TGFBR3: variants seen among roughly 807,000 people sequenced by gnomAD.
The protein encoded by TGFBR3 is transforming growth factor beta receptor type 3.
In TGFBR3, 46 loss-of-function variants were observed where a neutral mutation model predicts 87.9. The observed-to-expected ratio is 0.52, with a 90% confidence interval of 0.41 to 0.67. TGFBR3 has a LOEUF of 0.67. Among genes scored for constraint, TGFBR3 ranks in the 30% least tolerant of loss-of-function variants. The pLI, the probability that TGFBR3 is intolerant of heterozygous loss-of-function variation, is 0.00. For missense variants in TGFBR3, 866 were observed against 1,041.9 expected (o/e 0.83, Z 2.32); for synonymous variants, 381 against 391.6 (o/e 0.97, Z 0.32).
intron 14 of TGFBR3, among the ~76,000 whole-genome samples, chr1:91,706,531 C>T (rs1004818035): frequency 6.6e-6 from 1 of 152,146 alleles, no homozygotes; most frequent in African/African-American, 2.4e-5. Flanking sequence ...GGGGAGGAAC[C>T]CTAGTTCCGG....
rs570880386 is a variant in TGFBR3 at position 91,896,206 on chromosome 1, T to C, written c.-114+3431A>G. 1.6e-4 allele frequency among the ~76,000 whole-genome samples: 25 copies of C among 152,320 alleles called. No homozygotes were observed. The South Asian group carries it at 5.2e-3, about 32-fold the overall frequency. ...ATAAGCACCATGAAGGCAGGGGCCA[T>C]GGCTATCTTAATCAGCACTATATTC... On this transcript the variant is annotated intron_variant, in intron 2 of 17. Coordinates refer to the TGFBR3 transcript ENST00000370399.
rs182140621 is a variant in TGFBR3, at chr1:91,894,387, C to A, written c.-114+5250G>T. 1.3e-5 allele frequency among the ~76,000 whole-genome samples: 2 copies of A among 152,028 alleles called. 1 individual carries two copies. The stretch of plus-strand genomic sequence containing the variant: ...CTTGTCTTTAAAAATCTTACTTGAC[C>A]CCATCTATCCACCTTACCCCTATTT... On this transcript the variant is annotated intron_variant, in intron 2 of 17. Transcript: ENST00000370399.
chr1:91,806,280 T>C (rs1391823937), intron 2 of TGFBR3, among the ~76,000 whole-genome samples: 1 of 152,186 alleles, frequency 6.6e-6, no homozygotes, highest in Non-Finnish European at 1.5e-5. Flanking sequence ...TTATGTCCTT[T>C]AGCTGCAACA....
upstream of TGFBR3, chr1:91,886,177 C>T (rs781534204): frequency 4.4e-6 from 2 of 453,878 alleles, no homozygotes; most frequent in South Asian, 3.1e-5. Context: ...ACCCGGCGCA[C>T]TCGCCCTCCC....
chr1:91,817,347 A>G (rs896444732), intron 2 of TGFBR3, among the ~76,000 whole-genome samples: 5 of 152,248 alleles, frequency 3.3e-5, no homozygotes, highest in African/African-American at 4.8e-5. Flanking sequence ...TGTGTAATAT[A>G]TAAGATGTAA....
upstream of TGFBR3, among the ~76,000 whole-genome samples, chr1:91,888,708 A>T (rs533969871): frequency 1.3e-5 from 2 of 152,296 alleles, no homozygotes; most frequent in African/African-American, 4.8e-5. Context: ...TCAAAAAAAT[A>T]AAATTAAATT....
intron 2 of TGFBR3, among the ~76,000 whole-genome samples, chr1:91,806,634 G>A (rs972213376): frequency 6.6e-6 from 1 of 152,096 alleles, no homozygotes; most frequent in Non-Finnish European, 1.5e-5. Context: ...TATCACCCAG[G>A]GTTCTAATGA....
At chr1:91,840,290 C>G (rs1269085888) in intron 2 of TGFBR3, among the ~76,000 whole-genome samples, 2 of 151,300 alleles carry the variant, frequency 1.3e-5, no homozygotes, top group Non-Finnish European at 2.9e-5. Flanking sequence ...CCACTGCATT[C>G]CAGCCTGGGC....
At chr1:91,813,559 T>G (rs1444093686) in intron 2 of TGFBR3, among the ~76,000 whole-genome samples, 2 of 152,206 alleles carry the variant, frequency 1.3e-5, no homozygotes, top group African/African-American at 4.8e-5. Flanking sequence ...GAAGTTGTAT[T>G]CACCATTCCT....
Position 91,727,859 on chromosome 1 carries a change from A to C in TGFBR3, c.738-53T>G, listed in dbSNP as rs11466588. On this transcript the variant is annotated intron_variant, in intron 6 of 16. Coordinates refer to ENST00000212355, the MANE Select transcript of TGFBR3 (RefSeq NM_003243.5). ...AAGACCTACATGCCAGAAAGTTGCA[A>C]CTATCTCCCCTCTTCCAAGTCTTCA... The C allele has an allele frequency of 4.2e-4, 668 of 1,603,798 alleles. 2 individuals are homozygous for C. The African/African-American group carries it at 7.9e-3, about 19-fold the overall frequency.
chr1:91,759,881 T>C (rs1374894060), intron 3 of TGFBR3, among the ~76,000 whole-genome samples: 7 of 152,230 alleles, frequency 4.6e-5, no homozygotes, highest in African/African-American at 1.2e-4. Flanking sequence ...CCATCAGGGA[T>C]ACAGCACTAA....
intron 10 of TGFBR3, 23 bp from the exon 11 acceptor site, chr1:91,716,731 C>T: frequency 1.2e-6 from 2 of 1,613,986 alleles, no homozygotes; most frequent in South Asian, 1.1e-5. Context: ...GAAAGCACAG[C>T]CAATGTTATA....
chr1:91,852,068 G>A (rs1392768572), intron 2 of TGFBR3, among the ~76,000 whole-genome samples: 2 of 152,136 alleles, frequency 1.3e-5, no homozygotes, highest in African/African-American at 4.8e-5. Flanking sequence ...GGAAAACATG[G>A]CGAAACCTTG....
chr1:91,890,190 G>C (rs951188477), upstream of TGFBR3, among the ~76,000 whole-genome samples: 4 of 151,972 alleles, frequency 2.6e-5, no homozygotes, highest in Non-Finnish European at 5.9e-5. Flanking sequence ...AAAAATGTTT[G>C]CCAGCAGAGT....
At chr1:91,817,564 T>C (rs569479448) in intron 2 of TGFBR3, among the ~76,000 whole-genome samples, 3 of 152,218 alleles carry the variant, frequency 2.0e-5, no homozygotes, top group African/African-American at 7.2e-5. Context: ...CCAGAAAGGA[T>C]GCAAACGTCT....
Position 91,719,330 on chromosome 1 carries a change from A to G in TGFBR3, c.1548T>C (p.Gly516=). ...GTRPRWSALD[G]VVYYNSIVIQ... is the part of the protein sequence containing the mutation. ...CACTCACGGAGTTATAGTAGACCACACCATCAAGGGCTGACCACCGGGGCC... is the reference window on the plus strand; with the variant it reads ...CACTCACGGAGTTATAGTAGACCACGCCATCAAGGGCTGACCACCGGGGCC... Residue 516 remains glycine, a synonymous_variant, in exon 10 of 17, where the codon GGT becomes GGC. Transcript: ENST00000212355. The G allele has an allele frequency of 6.2e-7, 1 of 1,614,002 alleles. No homozygotes were observed. Among genetic ancestry groups the G allele is most frequent in the South Asian group, 1.1e-5 (1 of 91,066 alleles).
rs201981963 is a variant in TGFBR3 at position 91,706,488 on chromosome 1, AAAGCC to A, written c.2287+2170_2287+2174del. Among the ~76,000 whole-genome samples the A allele has an allele frequency of 7.3e-3, 1,117 of 152,332 alleles. 12 individuals carry two copies. The highest frequency in any genetic ancestry group is 0.025 in the African/African-American group (1,053 of 41,574). ...CATGACAGTTGACAAATGTCATAGC[AAAGCC>A]TAGAGGTTACCCTATATGGTCTAAA... On this transcript the variant is annotated intron_variant, in intron 14 of 16. Transcript: ENST00000212355.
At chr1:91,866,999 T>C (rs1194996858) in intron 1 of TGFBR3, among the ~76,000 whole-genome samples, 1 of 152,228 alleles carries the variant, frequency 6.6e-6, no homozygotes, top group African/African-American at 2.4e-5. Flanking sequence ...TCTCACAGCA[T>C]GTCAGACAAG....
chr1:91,749,290 C>T (rs771654470), intron 4 of TGFBR3, among the ~76,000 whole-genome samples: 3 of 152,098 alleles, frequency 2.0e-5, no homozygotes, highest in Non-Finnish European at 4.4e-5. Context: ...AGGTGGCAGA[C>T]GGAAGACCCC....
Sources: allele counts gnomAD v4.1 joint callset (sites outside exome capture counted in the v4.1 genomes callset), GRCh38; gene constraint gnomAD v4.1.1; transcripts MANE v1.5; gene names NCBI Gene and HGNC (gene_info 2026-07-23, HGNC 2026-07-21).